PREX2: variants seen among roughly 807,000 people sequenced by gnomAD.
The protein encoded by PREX2 is phosphatidylinositol-3,4,5-trisphosphate dependent Rac exchange factor 2.
Under a neutral mutation model 203.2 loss-of-function variants are expected in PREX2, and 107 were observed. That is an observed-to-expected ratio of 0.53 (90% CI 0.45 to 0.62). PREX2 has a LOEUF of 0.62. PREX2 is among the 20% of genes least tolerant of loss of function. The pLI, the probability that PREX2 is intolerant of heterozygous loss-of-function variation, is 0.00. For synonymous variants in PREX2, 672 were observed against 663.6 expected (o/e 1.01, Z -0.19); for missense variants, 1,777 against 1,955.9 (o/e 0.91, Z 1.72).
chr8:68,120,377 A>AGTGGT, intron 29 of PREX2, 91 bp downstream of exon 29: 1 of 803,836 alleles, frequency 1.2e-6, no homozygotes, highest in Non-Finnish European at 2.2e-6. Context: ...GCATAAGAGG[A>AGTGGT]ACAATTCCAG....
chr8:67,984,398 C>T (rs1806355591), intron 1 of PREX2, among the ~76,000 whole-genome samples: 1 of 152,140 alleles, frequency 6.6e-6, no homozygotes, highest in African/African-American at 2.4e-5. Flanking sequence ...AACAGGAAAG[C>T]ACTTTATCAC....
chr8:68,212,777 G>A (rs1011385138), intron 37 of PREX2, among the ~76,000 whole-genome samples: 4 of 151,382 alleles, frequency 2.6e-5, no homozygotes, highest in African/African-American at 9.7e-5. Flanking sequence ...ATTATTAAGA[G>A]TTTATCAAAG....
rs769280519 is a variant in PREX2 at position 68,103,682 on chromosome 8, C to G, written c.2715+3839C>G. ...GCTGTATTTTGCCAAAGTCTATTGACTATCCTGATAGCATTCCTTGTCTTA... is the reference window on the plus strand; with the variant it reads ...GCTGTATTTTGCCAAAGTCTATTGAGTATCCTGATAGCATTCCTTGTCTTA... On this transcript the variant is annotated intron_variant, in intron 23 of 39. Transcript: ENST00000288368. 6 of 519,464 alleles carry G rather than the reference C, an allele frequency of 1.2e-5. 1 individual carries two copies. The highest frequency in any genetic ancestry group is 5.6e-5 in the South Asian group (4 of 71,588). The allele number at this position is 519,464 out of a possible 1,614,324, so 32.2% of individuals were successfully genotyped here.
chr8:68,117,115 T>C (rs1810675039), intron 26 of PREX2, among the ~76,000 whole-genome samples: 1 of 152,252 alleles, frequency 6.6e-6, no homozygotes, highest in South Asian at 2.1e-4. Flanking sequence ...GTAATCAAAG[T>C]TCTCATCAGA....
At chr8:68,215,598 G>C (rs931211176) in intron 37 of PREX2, among the ~76,000 whole-genome samples, 21 of 151,796 alleles carry the variant, frequency 1.4e-4, no homozygotes, top group Admixed American at 1.3e-3. Flanking sequence ...GCAGTGGTGC[G>C]ATCTCTGCTC....
intron 31 of PREX2, among the ~76,000 whole-genome samples, chr8:68,132,858 T>C (rs1353332708): frequency 6.6e-6 from 1 of 152,194 alleles, no homozygotes; most frequent in African/African-American, 2.4e-5. Flanking sequence ...TGTGTTTCTG[T>C]AGTTTGTATA....
chr8:68,162,354 G>T (rs1397067613), intron 35 of PREX2, among the ~76,000 whole-genome samples: 1 of 152,054 alleles, frequency 6.6e-6, no homozygotes, highest in Non-Finnish European at 1.5e-5. Context: ...ATGCCATATA[G>T]AAATATGATA....
At chr8:68,207,927 T>C (rs1293514587) in intron 37 of PREX2, among the ~76,000 whole-genome samples, 2 of 152,018 alleles carry the variant, frequency 1.3e-5, no homozygotes, top group Non-Finnish European at 2.9e-5. Flanking sequence ...GGAACTATAA[T>C]AGTTGATGAT....
chr8:68,166,222 G>A (rs1182360560), intron 35 of PREX2, among the ~76,000 whole-genome samples: 1 of 152,154 alleles, frequency 6.6e-6, no homozygotes, highest in Non-Finnish European at 1.5e-5. Context: ...AGACTGGGAG[G>A]TCTGAATTCA....
At chr8:68,188,044 T>C (rs182591603) in intron 35 of PREX2, among the ~76,000 whole-genome samples, 1 of 152,290 alleles carries the variant, frequency 6.6e-6, no homozygotes, top group Admixed American at 6.5e-5. Context: ...GTATGAAAAA[T>C]CTGCTGATCA....
intron 12 of PREX2, 54 bp downstream of exon 12, chr8:68,069,190 C>A: frequency 1.2e-6 from 1 of 867,538 alleles, no homozygotes; most frequent in Non-Finnish European, 1.8e-6. Flanking sequence ...TGTCATTCTT[C>A]AGAAGATAAA....
At chr8:68,097,326 C>CCT (rs1810114728) in intron 22 of PREX2, 125 bp downstream of exon 22, 1 of 542,462 alleles carries the variant, frequency 1.8e-6, no homozygotes, top group Non-Finnish European at 3.0e-6. Context: ...ATTCAAACTT[C>CCT]TTTTTTTTTT....
chr8:68,008,620 C>T (rs1305150706), intron 1 of PREX2, among the ~76,000 whole-genome samples: 1 of 152,112 alleles, frequency 6.6e-6, no homozygotes, highest in Non-Finnish European at 1.5e-5. Flanking sequence ...TTGGCTGTGT[C>T]CCCACCCAAA....
At chr8:68,153,681 A>G (rs1161558766) in intron 34 of PREX2, among the ~76,000 whole-genome samples, 1 of 152,176 alleles carries the variant, frequency 6.6e-6, no homozygotes, top group Non-Finnish European at 1.5e-5. Flanking sequence ...TGTTTAGCTA[A>G]AATAGGGAAT....
chr8:68,221,066 T>G (rs558574532), intron 38 of PREX2, among the ~76,000 whole-genome samples: 26 of 152,174 alleles, frequency 1.7e-4, no homozygotes, highest in Non-Finnish European at 4.4e-5. Flanking sequence ...CATCTTTATG[T>G]CCATGTGTAC....
Position 68,099,610 on chromosome 8 carries a change from TTTTG to T in PREX2, c.2554-68_2554-65del, listed in dbSNP as rs1300397186. The T allele has an allele frequency of 2.8e-6, 4 of 1,418,962 alleles. No homozygotes were observed. The Admixed American group carries it at 6.7e-5, about 24-fold the overall frequency. 87.9% of individuals were successfully genotyped at this position (1,418,962 alleles called of 1,614,324 possible). A position where few individuals can be genotyped will look rare whatever the true frequency, so the allele number is the denominator to read the frequency against. ...TTTTGAAGTTTTTCTTCTTGTTTCG[TTTTG>T]TTTTTCTATGTGTGTGTCTGTATGT... is the stretch of plus-strand genomic sequence containing the variant. On this transcript the variant is annotated intron_variant, in intron 22 of 39. Transcript: ENST00000288368.
chr8:68,072,941 C>T (rs1809242435), intron 14 of PREX2, among the ~76,000 whole-genome samples: 1 of 152,022 alleles, frequency 6.6e-6, no homozygotes, highest in South Asian at 2.1e-4. Flanking sequence ...TCTAATCTCC[C>T]TGTGCCTTTT....
intron 27 of PREX2, 123 bp from the exon 28 acceptor site, chr8:68,119,309 C>T: frequency 1.6e-6 from 1 of 632,398 alleles, no homozygotes; most frequent in South Asian, 2.1e-5. Context: ...AACATGAGAA[C>T]TGTGCATGGA....
At chr8:68,007,649 G>A (rs759034598) in intron 1 of PREX2, among the ~76,000 whole-genome samples, 5 of 152,010 alleles carry the variant, frequency 3.3e-5, no homozygotes, top group African/African-American at 4.8e-5. Flanking sequence ...TCGCTTTGTC[G>A]CCCAGGCTGG....
Sources: gnomAD v4.1 joint callset for allele counts (sites outside exome capture counted in the v4.1 genomes callset) on GRCh38, gnomAD v4.1.1 for gene constraint, MANE v1.5 for transcripts, NCBI Gene and HGNC (gene_info 2026-07-23, HGNC 2026-07-21) for gene names.